The following ADPRHL1 variants were observed in gnomAD, a reference collection of about 807,000 sequenced individuals.
ADPRHL1 encodes ADP-ribosylhydrolase like 1.
Under a neutral mutation model 44.1 loss-of-function variants are expected in ADPRHL1, and 43 were observed. The observed-to-expected ratio is 0.98, with a 90% confidence interval of 0.76 to 1.26. The LOEUF (loss-of-function observed/expected upper bound fraction) is 1.26. Ranked by LOEUF, ADPRHL1 falls within the 50% of genes most tolerant of loss-of-function variation. ADPRHL1 has a pLI of 0.00. For synonymous variants in ADPRHL1, 878 were observed against 1,017.4 expected, an observed-to-expected ratio of 0.86 and a Z score of 2.61; for missense variants, 2,022 against 2,496.9, an observed-to-expected ratio of 0.81 and a Z score of 4.05.
At position 113,400,145 on chromosome 13, in the gene ADPRHL1, C is replaced by CTTT. The variant is rs529085012; in HGVS notation, c.*3232_*3233insAAA. On this transcript the variant is annotated 3_prime_UTR_variant, in exon 8 of 8. Coordinates refer to ENST00000612156, the MANE Select transcript of ADPRHL1 (RefSeq NM_001394807.1). ...ATCCTGTTTTCTTTTCTTTTCTTTT[C>CTTT]TTCTTTTTTTTTTTTTTTTTGACGG... The CTTT allele has an allele frequency of 9.6e-5, 12 of 125,400 alleles. No individual in the cohort carries two copies. The highest frequency in any genetic ancestry group is 7.9e-4 in the East Asian group (4 of 5,072). The allele number at this position is 125,400 out of a possible 1,614,324, so 7.8% of individuals were successfully genotyped here.
intron 3 of ADPRHL1, among the ~76,000 whole-genome samples, chr13:113,431,538 G>C (rs999538592): frequency 1.1e-4 from 16 of 152,336 alleles, no homozygotes; most frequent in Admixed American, 3.9e-4. Context: ...TGGACTCATG[G>C]GAGCACGCGA....
In ADPRHL1 at chr13:113,403,600, G is replaced by A; in HGVS notation, c.5682C>T (p.Gly1894=). The change falls in exon 8 of 8, where the codon GGC becomes GGT. Residue 1894 remains glycine, a synonymous_variant. Transcript: ENST00000612156. ...GGGCCGGGGCCTGGGGAGTCCCGCA[G>A]CCCCCAGCCTCAGGCTTGGGCTCAG... The part of the protein sequence containing the change: ...SPTEPKPEAG[G]CGTPQAPAQE... The A allele has an allele frequency of 8.1e-7, 1 of 1,231,630 alleles. No homozygotes were observed. Among genetic ancestry groups the A allele is most frequent in the Non-Finnish European group, 1.0e-6 (1 of 987,916 alleles). 76.3% of individuals were successfully genotyped at this position (1,231,630 alleles called of 1,614,324 possible).
chr13:113,444,353 G>A (rs2139648461), intron 2 of ADPRHL1, 72 bp downstream of exon 2: 2 of 1,552,422 alleles, frequency 1.3e-6, no homozygotes, highest in East Asian at 2.3e-5. Flanking sequence ...GGGGTTAGTG[G>A]AAGGCAGATG....
At chr13:113,415,750 CAA>C (rs71214119) in intron 7 of ADPRHL1, among the ~76,000 whole-genome samples, 22 of 63,038 alleles carry the variant, frequency 3.5e-4, no homozygotes, top group Non-Finnish European at 4.7e-4. Context: ...GACTCCATCT[CAA>C]AAAAAAAAAA....
chr13:113,429,019 C>T lies in ADPRHL1; in HGVS notation c.579G>A (p.Gly193=). The T allele has an allele frequency of 6.2e-7, 1 of 1,612,872 alleles. No homozygotes were observed. The highest frequency in any genetic ancestry group is 8.5e-7 in the Non-Finnish European group (1 of 1,179,996). The stretch of plus-strand genomic sequence containing the variant: ...GAGGCACCGCCCGCAGCATGTCTCT[C>T]CCCCACTGGACCAGGGGCTTTCCTT... ...AAQGKPLVQW[G]RDMLRAVPLA... is the part of the protein sequence containing the mutation. The change falls in exon 4 of 8, where the codon GGG becomes GGA. Residue 193 remains glycine, a synonymous_variant. Coordinates refer to ENST00000612156, the MANE Select transcript of ADPRHL1 (RefSeq NM_001394807.1).
rs1403464011 is a variant in ADPRHL1, at chr13:113,399,673, TAC to T, written c.*3703_*3704del. On this transcript the variant is annotated 3_prime_UTR_variant, in exon 8 of 8. Transcript: ENST00000612156. ...TCCAGCTGAATGATGTTAGTAAAAATACAGAGAGAATACAACAAATGACATTT... is the reference window on the plus strand; with the variant it reads ...TCCAGCTGAATGATGTTAGTAAAAATAGAGAGAATACAACAAATGACATTT... 1 of 152,224 alleles carries T rather than the reference TAC, an allele frequency of 6.6e-6. No individual in the cohort carries two copies. Among genetic ancestry groups the T allele is most frequent in the East Asian group, 1.9e-4 (1 of 5,192 alleles). 9.4% of individuals were successfully genotyped at this position (152,224 alleles called of 1,614,324 possible).
intron 7 of ADPRHL1, among the ~76,000 whole-genome samples, chr13:113,412,885 CA>C (rs1232377354): frequency 2.1e-5 from 1 of 46,688 alleles, no homozygotes; most frequent in Non-Finnish European, 4.2e-5. Context: ...CAGCGCCCCG[CA>C]GAGCTCGGTT....
At chr13:113,448,465 CA>C (rs61278696) in intron 1 of ADPRHL1, among the ~76,000 whole-genome samples, 851 of 39,814 alleles carry the variant, frequency 0.021, 4 homozygotes, top group Middle Eastern at 0.042. Flanking sequence ...GACTATGTCC[CA>C]AAAAAAAAAA....
chr13:113,453,240 G>C lies in ADPRHL1; in HGVS notation c.198C>G (p.Ala66=). ...CCAGCCTACCTGTGGTGAGGGCCTC[G>C]GCGGTTGCGATGTGCATGATGGTGT... ...SDNTIMHIAT[A]EALTTDYWCL... The change falls in exon 1 of 8, where the codon GCC becomes GCG. Residue 66 remains alanine, a synonymous_variant. Transcript: ENST00000612156. The surrounding 1 kb of genome is among the most constrained non-coding windows in gnomAD (Gnocchi z 5.4). 6.2e-7 allele frequency: 1 copy of C among 1,614,110 alleles called. No homozygotes were observed. The highest frequency in any genetic ancestry group is 8.5e-7 in the Non-Finnish European group (1 of 1,180,034).
chr13:113,423,701 G>C (rs2043943106), intron 6 of ADPRHL1, among the ~76,000 whole-genome samples: 1 of 152,276 alleles, frequency 6.6e-6, no homozygotes, highest in African/African-American at 2.4e-5. Flanking sequence ...TCCATGGCCA[G>C]AGACGGCCAG....
intron 2 of ADPRHL1, among the ~76,000 whole-genome samples, chr13:113,436,283 C>T (rs1248959882): frequency 1.7e-5 from 1 of 60,172 alleles, no homozygotes; most frequent in Non-Finnish European, 3.3e-5. Flanking sequence ...CCGGCACCCA[C>T]GCATAGAGTG....
chr13:113,428,644 G>A (rs1055092286), intron 4 of ADPRHL1, among the ~76,000 whole-genome samples: 6 of 152,266 alleles, frequency 3.9e-5, no homozygotes, highest in South Asian at 2.1e-4. Flanking sequence ...GCTGCCAGTC[G>A]CTTGGTGCCG....
chr13:113,446,271 G>A (rs929357943), intron 1 of ADPRHL1, among the ~76,000 whole-genome samples: 7 of 151,254 alleles, frequency 4.6e-5, no homozygotes, highest in African/African-American at 1.7e-4. Flanking sequence ...AGTGCACAGG[G>A]CCCAGTGGCT....
chr13:113,429,145 G>A, intron 3 of ADPRHL1, 53 bp from the exon 4 acceptor site: 2 of 1,567,240 alleles, frequency 1.3e-6, no homozygotes, highest in South Asian at 1.2e-5. Flanking sequence ...GCTTGGGAGG[G>A]CCTGGGGCCG....
intron 7 of ADPRHL1, among the ~76,000 whole-genome samples, chr13:113,419,252 G>A (rs1320084433): frequency 2.8e-5 from 4 of 142,594 alleles, no homozygotes; most frequent in Non-Finnish European, 4.5e-5. Flanking sequence ...GACTACAGGC[G>A]CCAACACCAT....
chr13:113,407,236 C>T lies in ADPRHL1; in HGVS notation c.2046G>A (p.Gln682=), dbSNP rs2043815923. Residue 682 remains glutamine, a synonymous_variant, in exon 8 of 8, where the codon CAG becomes CAA. Transcript: ENST00000612156. ...KGPLEEEPQR[Q]PRPSKPVTPQ... is the part of the protein sequence containing the mutation. ...GTGTCACGGGCTTCGAGGGCCTTGGCTGTCTTTGGGGCTCCTCCTCCAGGG... is the reference window on the plus strand; with the variant it reads ...GTGTCACGGGCTTCGAGGGCCTTGGTTGTCTTTGGGGCTCCTCCTCCAGGG... 1.1e-5 allele frequency: 13 copies of T among 1,232,080 alleles called. No individual in the cohort carries two copies. Among genetic ancestry groups the T allele is most frequent in the Non-Finnish European group, 1.3e-5 (13 of 988,106 alleles). 76.3% of individuals were successfully genotyped at this position (1,232,080 alleles called of 1,614,324 possible). A position where few individuals can be genotyped will look rare whatever the true frequency, so the allele number is the denominator to read the frequency against.
rs1452977678 is a variant in ADPRHL1, at chr13:113,403,335, G to C, written c.*43C>G. 8.1e-7 allele frequency: 1 copy of C among 1,230,384 alleles called. No homozygotes were observed. The highest frequency in any genetic ancestry group is 1.6e-5 in the African/African-American group (1 of 64,380). The allele number at this position is 1,230,384 out of a possible 1,614,324, so 76.2% of individuals were successfully genotyped here. On this transcript the variant is annotated 3_prime_UTR_variant, in exon 8 of 8. Coordinates refer to ENST00000612156, the MANE Select transcript of ADPRHL1 (RefSeq NM_001394807.1). The stretch of plus-strand genomic sequence containing the variant: ...AAATGCCTGAAGTCCCTCAATGGGC[G>C]GATGTCACAGTGCTGGGCGAGCCAC...
Position 113,404,973 on chromosome 13 carries a change from G to A in ADPRHL1, c.4309C>T (p.Gln1437Ter). 8.1e-7 allele frequency: 1 copy of A among 1,235,192 alleles called. No homozygotes were observed. The highest frequency in any genetic ancestry group is 1.0e-6 in the Non-Finnish European group (1 of 990,350). The allele number at this position is 1,235,192 out of a possible 1,614,324, so 76.5% of individuals were successfully genotyped here. The change falls in exon 8 of 8, where the codon CAG (glutamine) becomes TAG (stop). Residue 1437 changes from glutamine (Q) to a stop codon, truncating the protein, a stop_gained. Coordinates refer to ENST00000612156, the MANE Select transcript of ADPRHL1 (RefSeq NM_001394807.1). LOFTEE classifies it low-confidence loss of function (END_TRUNC). ...GMAIGVGGAC[Q>*]RSDQGQQHLQ... ...TGCTGCTGACCTTGGTCACTGCGCT[G>A]GCAGGCGCCCCCAACCCCAATGGCC... is the stretch of plus-strand genomic sequence containing the variant.
At position 113,403,959 on chromosome 13, in the gene ADPRHL1, G is replaced by A. The variant is rs552096591; in HGVS notation, c.5323C>T (p.Arg1775Trp). 55 of 1,306,088 alleles carry A rather than the reference G, an allele frequency of 4.2e-5. No homozygotes were observed. Among genetic ancestry groups the A allele is most frequent in the East Asian group, 1.2e-4 (4 of 32,086 alleles). The allele number at this position is 1,306,088 out of a possible 1,614,324, so 80.9% of individuals were successfully genotyped here. ...QKGAQEWARD[R>W]ARDQGWEQTQ... is the part of the protein sequence containing the mutation. ...TGCTCCCAGCCCTGATCCCGAGCCC[G>A]ATCCCGAGCCCATTCCTGAGCCCCT... is the stretch of plus-strand genomic sequence containing the variant. The change falls in exon 8 of 8, where the codon CGG becomes TGG. Residue 1775 changes from arginine to tryptophan, a missense_variant. Physicochemically the swap from Arg to Trp is moderately radical, Grantham distance 101 (BLOSUM62 -3). Transcript: ENST00000612156.
Sources: gnomAD v4.1 joint callset for allele counts (sites outside exome capture counted in the v4.1 genomes callset) on GRCh38, gnomAD v4.1.1 for gene constraint, Gnocchi (gnomAD v3.1) non-coding constraint, MANE v1.5 for transcripts, NCBI Gene and HGNC (gene_info 2026-07-23, HGNC 2026-07-21) for gene names.